Variants in PDE12 observed in about 807,000 individuals in gnomAD.
PDE12 encodes the protein phosphodiesterase 12.
PDE12 carries 26 observed loss-of-function variants against 45.4 expected under a neutral mutation model. That is an observed-to-expected ratio of 0.57 (90% CI 0.42 to 0.79). The LOEUF (loss-of-function observed/expected upper bound fraction) is 0.79. PDE12 is among the 30% of genes least tolerant of loss of function. The probability of loss-of-function intolerance (pLI) is 0.00; values close to 1 mark genes in which losing one functional copy is unlikely to be tolerated. For synonymous variants in PDE12, 283 were observed against 323.9 expected (o/e 0.87, Z 1.36); for missense variants, 668 against 790.0 (o/e 0.85, Z 1.85).
the PDE12 span, chr3:57,596,702 C>G: frequency 4.3e-6 from 1 of 232,976 alleles, no homozygotes. Context: ...CCGCTGTCCA[C>G]ACCCGGGCAA....
chr3:57,641,654 T>G, the PDE12 span: 1 of 1,607,740 alleles, frequency 6.2e-7, no homozygotes, highest in South Asian at 1.1e-5. Context: ...ATACTTTACC[T>G]GTAGGTTTAA....
rs1368643251 is a variant in PDE12 at position 57,556,675 on chromosome 3, G to A, written c.296G>A (p.Arg99Gln). ...AAAAKKSRKS[R>Q]PNASGGAACS... Reference sequence around the variant, plus strand: ...GCCGCCAAGAAGAGCAGGAAGAGCCGGCCGAATGCTAGCGGCGGTGCGGCC... The same window carrying A: ...GCCGCCAAGAAGAGCAGGAAGAGCCAGCCGAATGCTAGCGGCGGTGCGGCC... The change falls in exon 1 of 3, where the codon CGG (arginine) becomes CAG (glutamine). Residue 99 changes from arginine to glutamine, a missense_variant. Physicochemically the swap from Arg to Gln is conservative, Grantham distance 43. Transcript: ENST00000311180. The surrounding 1 kb of genome is among the most constrained non-coding windows in gnomAD (Gnocchi z 5.0). 1.3e-6 allele frequency: 2 copies of A among 1,598,372 alleles called. No individual in the cohort carries two copies. Among genetic ancestry groups the A allele is most frequent in the Admixed American group, 1.7e-5 (1 of 59,346 alleles).
the PDE12 span, among the ~76,000 whole-genome samples, chr3:57,645,057 A>G: frequency 6.6e-6 from 1 of 152,040 alleles, no homozygotes; most frequent in Non-Finnish European, 1.5e-5. Context: ...GCTAAAAGGG[A>G]AAGGGTAAGA....
the PDE12 span, chr3:57,575,568 G>T: frequency 1.9e-6 from 3 of 1,613,078 alleles, no homozygotes; most frequent in Non-Finnish European, 2.5e-6. Context: ...CGAAGAGACT[G>T]AAGCCCTAGT....
chr3:57,633,246 AATTT>A, the PDE12 span: 4 of 1,595,234 alleles, frequency 2.5e-6, no homozygotes, highest in South Asian at 2.2e-5. Flanking sequence ...ATTATGCAAA[AATTT>A]ATTTATTAAC....
Position 57,559,646 on chromosome 3 carries a change from T to G in PDE12, c.1472T>G (p.Val491Gly). ...VSCDLYPGIP[V>G]IFCGDFNSTP... ...TGTGATCTGTATCCTGGCATACCAG[T>G]TATATTTTGTGGGGACTTTAATAGT... The change falls in exon 3 of 3, where the codon GTT becomes GGT. Residue 491 changes from valine (V) to glycine (G), a missense_variant. Val to Gly is a moderately radical substitution (Grantham distance 109). Transcript: ENST00000311180. The G allele has an allele frequency of 6.2e-7, 1 of 1,614,194 alleles. No individual in the cohort carries two copies. The highest frequency in any genetic ancestry group is 8.5e-7 in the Non-Finnish European group (1 of 1,180,030).
In PDE12 at chr3:57,561,584, C is replaced by G; in HGVS notation, c.*1580C>G. The G allele has an allele frequency of 4.1e-6, 4 of 984,904 alleles. No homozygotes were observed. Among genetic ancestry groups the G allele is most frequent in the Non-Finnish European group, 4.8e-6 (4 of 829,578 alleles). 61.0% of individuals were successfully genotyped at this position (984,904 alleles called of 1,614,324 possible). On this transcript the variant is annotated 3_prime_UTR_variant, in exon 3 of 3. Transcript: ENST00000311180. Reference sequence around the variant, plus strand: ...ATTTATAATGCATTAGCTGTATTAGCTGTTGCTTTTTTGATGTTCAGGATA... The same window carrying G: ...ATTTATAATGCATTAGCTGTATTAGGTGTTGCTTTTTTGATGTTCAGGATA...
At chr3:57,576,192 C>T in the PDE12 span, among the ~76,000 whole-genome samples, 4 of 151,964 alleles carry the variant, frequency 2.6e-5, no homozygotes, top group African/African-American at 4.8e-5. Flanking sequence ...GCAATATAGA[C>T]GAACCCTGAA....
the PDE12 span, among the ~76,000 whole-genome samples, chr3:57,634,023 T>A: frequency 6.6e-6 from 1 of 152,156 alleles, no homozygotes; most frequent in African/African-American, 2.4e-5. Flanking sequence ...TATGGCTTTT[T>A]CACTATAATT....
the PDE12 span, chr3:57,583,881 C>T: frequency 1.3e-6 from 2 of 1,519,386 alleles, no homozygotes; most frequent in Non-Finnish European, 1.8e-6. Flanking sequence ...GTTATAAAAA[C>T]ATACAGTATC....
At chr3:57,593,469 C>T in the PDE12 span, among the ~76,000 whole-genome samples, 1 of 152,106 alleles carries the variant, frequency 6.6e-6, no homozygotes, top group Admixed American at 6.6e-5. Context: ...ATCCTTTCTC[C>T]TGAACATCTC....
the PDE12 span, among the ~76,000 whole-genome samples, chr3:57,611,421 G>T: frequency 2.6e-5 from 4 of 152,096 alleles, no homozygotes; most frequent in Non-Finnish European, 5.9e-5. Flanking sequence ...CACAGCAAAA[G>T]AAACTACCAT....
At chr3:57,636,633 C>A in the PDE12 span, among the ~76,000 whole-genome samples, 1 of 152,098 alleles carries the variant, frequency 6.6e-6, no homozygotes, top group Non-Finnish European at 1.5e-5. Flanking sequence ...GTTAAGCCAA[C>A]TTGTAAGAGA....
downstream of PDE12, among the ~76,000 whole-genome samples, chr3:57,570,523 T>C (rs993838990): frequency 6.6e-6 from 1 of 152,090 alleles, no homozygotes; most frequent in African/African-American, 2.4e-5. Context: ...TGGCCATTGT[T>C]ATTTATTTGA....
the PDE12 span, among the ~76,000 whole-genome samples, chr3:57,640,466 G>A: frequency 6.6e-6 from 1 of 151,778 alleles, no homozygotes; most frequent in African/African-American, 2.4e-5. Flanking sequence ...GGAGGTGGGT[G>A]CCTGTAATCC....
chr3:57,566,884 C>T (rs1228502125), downstream of PDE12: 1 of 152,150 alleles, frequency 6.6e-6, no homozygotes, highest in African/African-American at 2.4e-5. Flanking sequence ...GGAGGCAAAT[C>T]TTTCTTAGTC....
At chr3:57,638,473 C>T in the PDE12 span, among the ~76,000 whole-genome samples, 2 of 151,038 alleles carry the variant, frequency 1.3e-5, no homozygotes, top group Non-Finnish European at 3.0e-5. Context: ...GCCTGGCCAA[C>T]ATGGTGAATC....
the PDE12 span, among the ~76,000 whole-genome samples, chr3:57,601,505 C>A: frequency 2.0e-5 from 3 of 151,996 alleles, no homozygotes; most frequent in African/African-American, 7.3e-5. Flanking sequence ...AGACAGCAGA[C>A]CCCCTGTATC....
At chr3:57,633,839 C>T in the PDE12 span, among the ~76,000 whole-genome samples, 8 of 151,000 alleles carry the variant, frequency 5.3e-5, no homozygotes, top group Non-Finnish European at 1.2e-4. Flanking sequence ...TGCAGTGAGC[C>T]GAGATTGTGC....
Sources: gnomAD v4.1 joint callset for allele counts (sites outside exome capture counted in the v4.1 genomes callset) on GRCh38, gnomAD v4.1.1 for gene constraint, Gnocchi (gnomAD v3.1) non-coding constraint, MANE v1.5 for transcripts, NCBI Gene and HGNC (gene_info 2026-07-23, HGNC 2026-07-21) for gene names.